Variants in DYRK1A observed in about 807,000 individuals in gnomAD.
DYRK1A encodes the protein dual specificity tyrosine-phosphorylation-regulated kinase 1A.
DYRK1A carries 9 observed loss-of-function variants against 79.7 expected under a neutral mutation model. That is an observed-to-expected ratio of 0.11 (90% CI 0.07 to 0.20). DYRK1A has a LOEUF of 0.20. Among genes scored for constraint, DYRK1A ranks in the 10% least tolerant of loss-of-function variants. DYRK1A has a pLI of 1.00. For missense variants in DYRK1A, 622 were observed against 956.0 expected (o/e 0.65, Z 4.61); for synonymous variants, 349 against 329.7 (o/e 1.06, Z -0.63).
intron 1 of DYRK1A, among the ~76,000 whole-genome samples, chr21:37,406,515 G>A (rs937510388): frequency 6.6e-6 from 1 of 151,992 alleles, no homozygotes; most frequent in Non-Finnish European, 1.5e-5. Flanking sequence ...GGTGAACATG[G>A]TGAAACCCTT....
chr21:37,449,057 T>C lies in DYRK1A; in HGVS notation c.11-23627T>C, dbSNP rs2051361944. 2.0e-5 allele frequency among the ~76,000 whole-genome samples: 3 copies of C among 152,170 alleles called. No individual in the cohort carries two copies. In the South Asian group the frequency reaches 6.2e-4, roughly 32 times the overall value. ...TCATTTTTCCCCTGCTTTACTTTTGTACCTCTTCTCCAAGAAAAAAGTCTA... is the reference window on the plus strand; with the variant it reads ...TCATTTTTCCCCTGCTTTACTTTTGCACCTCTTCTCCAAGAAAAAAGTCTA... On this transcript the variant is annotated intron_variant, in intron 2 of 11. Coordinates refer to ENST00000647188, the MANE Select transcript of DYRK1A (RefSeq NM_001347721.2).
intron 1 of DYRK1A, among the ~76,000 whole-genome samples, chr21:37,392,372 C>G (rs1256469742): frequency 6.6e-6 from 1 of 152,172 alleles, no homozygotes; most frequent in African/African-American, 2.4e-5. Context: ...ATTGTATTAT[C>G]ATATATAGCA....
At chr21:37,366,399 G>A (rs1186594642), upstream of DYRK1A, among the ~76,000 whole-genome samples, 1 of 144,370 alleles carries the variant, frequency 6.9e-6, no homozygotes, top group Non-Finnish European at 1.5e-5. Context: ...GGCCGCAGTC[G>A]GCGCGGGCGC....
chr21:37,463,295 T>C (rs62222283), intron 2 of DYRK1A, among the ~76,000 whole-genome samples: 15,785 of 151,916 alleles, frequency 0.1, 1,136 homozygotes, highest in Non-Finnish European at 0.15. Context: ...TTTGTTCTTA[T>C]TGGCTCACTG....
intron 1 of DYRK1A, among the ~76,000 whole-genome samples, chr21:37,383,128 A>AC (rs1569281317): frequency 1.3e-5 from 2 of 152,180 alleles, no homozygotes; most frequent in African/African-American, 4.8e-5. Context: ...GTGCTTGCCT[A>AC]CCTCAGAGGC....
At chr21:37,494,576 A>G (rs1213869773) in intron 8 of DYRK1A, among the ~76,000 whole-genome samples, 2 of 151,936 alleles carry the variant, frequency 1.3e-5, no homozygotes, top group Non-Finnish European at 1.5e-5. Context: ...GTGAAACCAT[A>G]TACCCCACTT....
At chr21:37,459,742 G>T (rs182926915) in intron 2 of DYRK1A, among the ~76,000 whole-genome samples, 3 of 152,268 alleles carry the variant, frequency 2.0e-5, no homozygotes, top group Admixed American at 6.5e-5. Context: ...CTGGTTTGTT[G>T]TTTCTTGTGT....
At chr21:37,392,488 A>G (rs1237536507) in intron 1 of DYRK1A, among the ~76,000 whole-genome samples, 5 of 152,234 alleles carry the variant, frequency 3.3e-5, no homozygotes, top group Non-Finnish European at 7.3e-5. Context: ...TTTATTTTTC[A>G]CAGTTCTGGA....
At chr21:37,452,364 G>A (rs1044033624) in intron 2 of DYRK1A, among the ~76,000 whole-genome samples, 4 of 150,486 alleles carry the variant, frequency 2.7e-5, no homozygotes, top group African/African-American at 9.8e-5. Context: ...TTGAGGTAAA[G>A]GGGGTGGGGA....
intron 3 of DYRK1A, among the ~76,000 whole-genome samples, chr21:37,473,968 C>T (rs1420995885): frequency 6.6e-6 from 1 of 152,150 alleles, no homozygotes; most frequent in Middle Eastern, 3.2e-3. Context: ...AATAATAACA[C>T]GATGATCCAT....
In DYRK1A at chr21:37,514,878, C is replaced by T. The variant is rs768709591; in HGVS notation, c.*2347C>T. On this transcript the variant is annotated 3_prime_UTR_variant, in exon 12 of 12. Coordinates refer to ENST00000647188, the MANE Select transcript of DYRK1A (RefSeq NM_001347721.2). Reference sequence around the variant, plus strand: ...CTGGTTGCCACATCTTAGCAAGCACCAAAAAACTAAAGCAGTTTTTAAACC... The same window carrying T: ...CTGGTTGCCACATCTTAGCAAGCACTAAAAAACTAAAGCAGTTTTTAAACC... 6.6e-6 allele frequency: 1 copy of T among 152,306 alleles called. No individual in the cohort carries two copies. The highest frequency in any genetic ancestry group is 2.4e-5 in the African/African-American group (1 of 41,342). 9.4% of individuals were successfully genotyped at this position (152,306 alleles called of 1,614,324 possible).
At chr21:37,451,253 A>G (rs2051437755) in intron 2 of DYRK1A, among the ~76,000 whole-genome samples, 1 of 152,222 alleles carries the variant, frequency 6.6e-6, no homozygotes, top group South Asian at 2.1e-4. Flanking sequence ...AAAATAAATT[A>G]GTGTAGCTTA....
At chr21:37,494,831 C>T (rs926562128) in intron 8 of DYRK1A, among the ~76,000 whole-genome samples, 17 of 151,520 alleles carry the variant, frequency 1.1e-4, no homozygotes, top group African/African-American at 4.1e-4. Flanking sequence ...GCCTGTAATC[C>T]CAGTTACTTG....
At chr21:37,387,554 T>C (rs536594586) in intron 1 of DYRK1A, among the ~76,000 whole-genome samples, 2 of 152,322 alleles carry the variant, frequency 1.3e-5, no homozygotes, top group African/African-American at 2.4e-5. Context: ...AACCATCTTA[T>C]AGAGCCTCAA....
chr21:37,497,618 C>G (rs1353756262), intron 9 of DYRK1A, among the ~76,000 whole-genome samples: 2 of 152,164 alleles, frequency 1.3e-5, no homozygotes, highest in African/African-American at 4.8e-5. Context: ...GCTGCTTTCT[C>G]CATTTCAGAT....
intron 8 of DYRK1A, among the ~76,000 whole-genome samples, chr21:37,494,296 T>C (rs570081022): frequency 3.9e-5 from 6 of 152,162 alleles, no homozygotes; most frequent in Admixed American, 2.0e-4. Context: ...ATTAGTATCT[T>C]TCTTGGGCTT....
In DYRK1A at chr21:37,473,823, G is replaced by A. The variant is rs943165481; in HGVS notation, c.207+943G>A. On this transcript the variant is annotated intron_variant, in intron 3 of 11. Coordinates refer to ENST00000647188, the MANE Select transcript of DYRK1A (RefSeq NM_001347721.2). ...AAATCGTTACAATAAGATGAATTTGGCAGGACTTAAGATTTTATGTAGTGA... is the reference window on the plus strand; with the variant it reads ...AAATCGTTACAATAAGATGAATTTGACAGGACTTAAGATTTTATGTAGTGA... Among the ~76,000 whole-genome samples, 3 of 152,250 alleles carry A rather than the reference G, an allele frequency of 2.0e-5. No homozygotes were observed. In the South Asian group the frequency reaches 6.2e-4, roughly 32 times the overall value.
At chr21:37,374,704 C>G (rs1174225273) in intron 1 of DYRK1A, among the ~76,000 whole-genome samples, 1 of 152,094 alleles carries the variant, frequency 6.6e-6, no homozygotes, top group Non-Finnish European at 1.5e-5. Flanking sequence ...AGGCGCCTGT[C>G]ACCACGCCTG....
intron 1 of DYRK1A, among the ~76,000 whole-genome samples, chr21:37,377,340 C>T (rs1167089089): frequency 6.6e-6 from 1 of 152,128 alleles, no homozygotes; most frequent in Non-Finnish European, 1.5e-5. Context: ...AGGGTGGTCT[C>T]CATCTCCTGA....
Sources: allele counts gnomAD v4.1 joint callset (sites outside exome capture counted in the v4.1 genomes callset), GRCh38; gene constraint gnomAD v4.1.1; transcripts MANE v1.5; gene names NCBI Gene and HGNC (gene_info 2026-07-23, HGNC 2026-07-21).